The following GPR161 variants were observed in gnomAD, a reference collection of about 807,000 sequenced individuals.
GPR161 encodes G-protein coupled receptor RE2.
Under a neutral mutation model 39.2 loss-of-function variants are expected in GPR161, and 25 were observed. That is an observed-to-expected ratio of 0.64 (90% confidence interval 0.47 to 0.89). GPR161 has a LOEUF of 0.89. Among genes scored for constraint, GPR161 ranks in the 40% least tolerant of loss-of-function variants. The pLI, the probability that GPR161 is intolerant of heterozygous loss-of-function variation, is 0.00. For missense variants in GPR161, 547 were observed against 677.8 expected (o/e 0.81, Z 2.14); for synonymous variants, 286 against 276.6 (o/e 1.03, Z -0.34).
intron 1 of GPR161, among the ~76,000 whole-genome samples, chr1:168,127,487 A>C (rs1698676529): frequency 6.9e-6 from 1 of 145,764 alleles, no homozygotes; most frequent in African/African-American, 2.5e-5. Flanking sequence ...CCATCTCATT[A>C]AAAAAAAAAA....
At chr1:168,090,848 C>T (rs1694994049) in intron 3 of GPR161, among the ~76,000 whole-genome samples, 180 bp from the exon 4 acceptor site, 1 of 152,210 alleles carries the variant, frequency 6.6e-6, no homozygotes, top group Non-Finnish European at 1.5e-5. Context: ...TTTTCTGTCC[C>T]ACTGTGTCAG....
chr1:168,111,906 T>C (rs200128077), intron 1 of GPR161, among the ~76,000 whole-genome samples: 2 of 141,272 alleles, frequency 1.4e-5, no homozygotes, highest in East Asian at 4.1e-4. Flanking sequence ...TACAGAGAAA[T>C]GGAAAAAACA....
At chr1:168,091,464 G>A (rs1452361914) in intron 3 of GPR161, among the ~76,000 whole-genome samples, 1 of 152,208 alleles carries the variant, frequency 6.6e-6, no homozygotes, top group Admixed American at 6.5e-5. Context: ...CAAGCCTAGA[G>A]GAAAGACTCA....
chr1:168,101,557 C>T (rs946121759), intron 2 of GPR161, among the ~76,000 whole-genome samples: 5 of 152,162 alleles, frequency 3.3e-5, no homozygotes, highest in Non-Finnish European at 5.9e-5. Flanking sequence ...CGTCCAGGCT[C>T]GGGCATCTCA....
At chr1:168,124,104 T>C (rs1698413716) in intron 1 of GPR161, among the ~76,000 whole-genome samples, 1 of 152,206 alleles carries the variant, frequency 6.6e-6, no homozygotes, top group Non-Finnish European at 1.5e-5. Flanking sequence ...CACGTCTTCA[T>C]CTGCCCATCT....
chr1:168,086,484 C>A (rs1403194903), intron 5 of GPR161, among the ~76,000 whole-genome samples: 3 of 152,156 alleles, frequency 2.0e-5, no homozygotes, highest in Non-Finnish European at 2.9e-5. Context: ...AGTAGGCAAC[C>A]TGTACCCCAC....
At chr1:168,120,953 T>C (rs1406777812) in intron 1 of GPR161, among the ~76,000 whole-genome samples, 1 of 152,190 alleles carries the variant, frequency 6.6e-6, no homozygotes, top group East Asian at 1.9e-4. Context: ...AATGAACTAA[T>C]ACAGATGGTA....
rs1177530498 is a variant in GPR161 at position 168,119,230 on chromosome 1, A to G, written c.-44-14336T>C. ...TATATGTATACATATATATATACGT[A>G]TATATATATATACACATATATATAT... On this transcript the variant is annotated intron_variant, in intron 1 of 5. Coordinates refer to ENST00000682931, the MANE Select transcript of GPR161 (RefSeq NM_001375883.1). Among the ~76,000 whole-genome samples, 110 of 105,562 alleles carry G rather than the reference A, an allele frequency of 1.0e-3. 2 individuals are homozygous for G. Among genetic ancestry groups the G allele is most frequent in the African/African-American group, 5.1e-3 (100 of 19,502 alleles). The allele number at this position is 105,562 out of a possible 152,430, so 69.3% of individuals were successfully genotyped here. A position where few individuals can be genotyped will look rare whatever the true frequency, so the allele number is the denominator to read the frequency against.
In GPR161 at chr1:168,100,820, A is replaced by C. The variant is rs112074624; in HGVS notation, c.375-3588T>G. Among the ~76,000 whole-genome samples, 443 of 152,330 alleles carry C rather than the reference A, an allele frequency of 2.9e-3. 1 individual carries two copies. Among genetic ancestry groups the C allele is most frequent in the African/African-American group, 0.01 (421 of 41,572 alleles). Reference sequence around the variant, plus strand: ...TAGACCTGGAGTTTCACCTTCTGTGATGTGGAATGAAAATATGAGAACTAT... The same window carrying C: ...TAGACCTGGAGTTTCACCTTCTGTGCTGTGGAATGAAAATATGAGAACTAT... On this transcript the variant is annotated intron_variant, in intron 2 of 5. Coordinates refer to ENST00000682931, the MANE Select transcript of GPR161 (RefSeq NM_001375883.1).
rs145116248 is a variant in GPR161 at position 168,097,056 on chromosome 1, C to T, written c.551G>A (p.Arg184Gln). ...FKWMCVAAWH[R>Q]EPGYTAFWQI... ...CCAGAAGGCCGTGTAGCCAGGCTCC[C>T]GGTGCCAAGCAGCCACACACATCCA... is the stretch of plus-strand genomic sequence containing the variant. The change falls in exon 3 of 6, where the codon CGG (arginine) becomes CAG (glutamine). Residue 184 changes from arginine to glutamine, a missense_variant. Transcript: ENST00000682931. 10 of 1,613,908 alleles carry T rather than the reference C, an allele frequency of 6.2e-6. No homozygotes were observed. The highest frequency in any genetic ancestry group is 3.3e-5 in the South Asian group (3 of 91,078).
chr1:168,087,607 C>A lies in GPR161; in HGVS notation c.1302G>T (p.Glu434Asp). ...PPKRRSSVTF[E>D]DEVEQIKEAA... The stretch of plus-strand genomic sequence containing the variant: ...AACCTTTGATTTGTTCCACTTCATC[C>A]TCAAATGTCACCGAGCTCCTTCTCT... The change falls in exon 5 of 6, where the codon GAG (glutamate) becomes GAT (aspartate). Residue 434 changes from glutamate (E) to aspartate (D), a missense_variant. Physicochemically the swap from Glu to Asp is conservative, Grantham distance 45. Transcript: ENST00000682931. 1 of 1,614,140 alleles carries A rather than the reference C, an allele frequency of 6.2e-7. No individual in the cohort carries two copies. Among genetic ancestry groups the A allele is most frequent in the South Asian group, 1.1e-5 (1 of 91,080 alleles).
At chr1:168,134,755 T>C (rs929500048) in intron 1 of GPR161, 1 of 645,108 alleles carries the variant, frequency 1.6e-6, no homozygotes, top group African/African-American at 1.8e-5. Context: ...AACCATGTGC[T>C]GGAGCCCCAC....
chr1:168,085,816 A>G lies in GPR161; in HGVS notation c.1325-20T>C. The G allele has an allele frequency of 6.2e-7, 1 of 1,600,670 alleles. No homozygotes were observed. Among genetic ancestry groups the G allele is most frequent in the African/African-American group, 1.3e-5 (1 of 74,756 alleles). On this transcript the variant is annotated intron_variant, in intron 5 of 5. Transcript: ENST00000682931. Reference sequence around the variant, plus strand: ...CAGCTTCTGAGGGAGAAGGCAGAAAAAAAAGTCAGCTGAGGAGCCAGGCCT... The same window carrying G: ...CAGCTTCTGAGGGAGAAGGCAGAAAGAAAAGTCAGCTGAGGAGCCAGGCCT...
intron 1 of GPR161, among the ~76,000 whole-genome samples, chr1:168,131,142 G>A (rs891269497): frequency 1.3e-5 from 2 of 152,078 alleles, no homozygotes; most frequent in Admixed American, 6.6e-5. Context: ...CACTACCCCA[G>A]CTCAGAGCCT....
intron 1 of GPR161, among the ~76,000 whole-genome samples, chr1:168,132,030 C>T (rs1441164800): frequency 2.6e-5 from 4 of 152,136 alleles, no homozygotes; most frequent in Non-Finnish European, 4.4e-5. Context: ...TTTGGGAGGC[C>T]GAGGTGGGCA....
At chr1:168,136,491 C>T (rs986532320) in intron 1 of GPR161, 24 of 1,261,842 alleles carry the variant, frequency 1.9e-5, no homozygotes, top group Non-Finnish European at 2.0e-5. Flanking sequence ...CCCCAGGCCG[C>T]AGGGGAGGGG....
chr1:168,137,229 T>C, upstream of GPR161: 1 of 1,471,992 alleles, frequency 6.8e-7, no homozygotes, highest in Non-Finnish European at 9.0e-7. Flanking sequence ...CCTTCCCTGT[T>C]CCCGTTCCTC....
At chr1:168,134,737 G>C (rs553952285) in intron 1 of GPR161, among the ~76,000 whole-genome samples, 1 of 152,310 alleles carries the variant, frequency 6.6e-6, no homozygotes, top group African/African-American at 2.4e-5. Flanking sequence ...CCAAAACTAA[G>C]ATCAGGCAAC....
intron 3 of GPR161, 52 bp downstream of exon 3, chr1:168,096,456 A>C (rs1558097518): frequency 6.4e-7 from 1 of 1,566,566 alleles, no homozygotes. Flanking sequence ...GGCTGAGAGG[A>C]CCACAGATTT....
Sources: gnomAD v4.1 joint callset for allele counts (sites outside exome capture counted in the v4.1 genomes callset) on GRCh38, gnomAD v4.1.1 for gene constraint, MANE v1.5 for transcripts, NCBI Gene and HGNC (gene_info 2026-07-23, HGNC 2026-07-21) for gene names.